The following CALR3 variants were observed in gnomAD, a reference collection of about 807,000 sequenced individuals.
CALR3 encodes calreticulin-3.
A neutral mutation model predicts 48.7 loss-of-function variants in CALR3; 39 were observed. The observed-to-expected ratio is 0.80, with a 90% CI of 0.62 to 1.05. The LOEUF (loss-of-function observed/expected upper bound fraction) is 1.05, where lower values mean the gene tolerates loss of function less well. Ranked by LOEUF, CALR3 falls within the 50% of genes least tolerant of loss-of-function variation. The pLI, the probability that CALR3 is intolerant of heterozygous loss-of-function variation, is 0.00. For synonymous variants in CALR3, 185 were observed against 172.7 expected (o/e 1.07, Z -0.56); for missense variants, 449 against 474.7 (o/e 0.95, Z 0.50).
rs1012054568 is a variant in CALR3 at position 16,490,698 on chromosome 19, C to T, written c.194-128G>A. 5 of 825,472 alleles carry T rather than the reference C, an allele frequency of 6.1e-6. No individual in the cohort carries two copies. In the African/African-American group the frequency reaches 8.4e-5, roughly 14 times the overall value. The allele number at this position is 825,472 out of a possible 1,614,324, so 51.1% of individuals were successfully genotyped here. ...TAACCATTTACAGTGATCTACAGTG[C>T]CAACAGAGCATTATACAATAATGCA... On this transcript the variant is annotated intron_variant, in intron 2 of 8. Coordinates refer to ENST00000269881, the MANE Select transcript of CALR3 (RefSeq NM_145046.5).
chr19:16,483,842 C>T lies in CALR3; in HGVS notation c.678+88G>A. ...TGGTTCTATAATATTGCCATCGTGG[C>T]TACCAGCCATGCAGCAATTGTCCAG... On this transcript the variant is annotated intron_variant, in intron 5 of 8. Transcript: ENST00000269881. 13 of 1,397,776 alleles carry T rather than the reference C, an allele frequency of 9.3e-6. No individual in the cohort carries two copies. The South Asian group carries it at 1.5e-4, about 16-fold the overall frequency. The allele number at this position is 1,397,776 out of a possible 1,614,324, so 86.6% of individuals were successfully genotyped here.
intron 3 of CALR3, among the ~76,000 whole-genome samples, chr19:16,488,473 C>T (rs1017012920): frequency 5.3e-5 from 8 of 151,234 alleles, no homozygotes; most frequent in East Asian, 2.0e-4. Context: ...GGTGAGATCT[C>T]GGCTCACTGC....
In CALR3 at chr19:16,484,178, CTTT is replaced by C. The variant is rs71334622; in HGVS notation, c.493-66_493-64del. The C allele has an allele frequency of 3.5e-3, 3,697 of 1,067,436 alleles. 25 individuals carry two copies. The highest frequency in any genetic ancestry group is 3.6e-3 in the Non-Finnish European group (2,793 of 772,338). 66.1% of individuals were successfully genotyped at this position (1,067,436 alleles called of 1,614,324 possible). A position where few individuals can be genotyped will look rare whatever the true frequency, so the allele number is the denominator to read the frequency against. On this transcript the variant is annotated intron_variant, in intron 4 of 8. Coordinates refer to ENST00000269881, the MANE Select transcript of CALR3 (RefSeq NM_145046.5). ...CTCAATTTCTTTTTTCTTTTCTTTT[CTTT>C]TTTTTTTTTTTTTTGAGATGGAGTC...
rs1305636539 is a variant in CALR3, at chr19:16,482,771, A to G, written c.693T>C (p.His231=). The G allele has an allele frequency of 6.2e-7, 1 of 1,613,314 alleles. No individual in the cohort carries two copies. Among genetic ancestry groups the G allele is most frequent in the Admixed American group, 1.7e-5 (1 of 59,992 alleles). ...KDNKAQDWEK[H]FLDASTSKQS... ...GCTTGCTGGTGCTGGCGTCCAGAAA[A>G]TGCTTCTCCCAGTCCTTCAAAGACA... The change falls in exon 6 of 9, where the codon CAT becomes CAC. Residue 231 remains histidine (H), a synonymous_variant. Transcript: ENST00000269881.
At chr19:16,493,414 A>G (rs2093400921) in intron 2 of CALR3, among the ~76,000 whole-genome samples, 1 of 152,228 alleles carries the variant, frequency 6.6e-6, no homozygotes, top group African/African-American at 2.4e-5. Context: ...AAGCTTCTCT[A>G]AACTTTGTCT....
rs997920766 is a variant in CALR3, at chr19:16,492,729, G to T, written c.194-2159C>A. 6.6e-5 allele frequency among the ~76,000 whole-genome samples: 10 copies of T among 151,950 alleles called. No homozygotes were observed. In the East Asian group the frequency reaches 1.9e-3, roughly 29 times the overall value. Reference sequence around the variant, plus strand: ...AAAAAAAAAATACAAAAAATTAGCCGGGCGTGGTGGCAGGCGCCTGTAGTT... The same window carrying T: ...AAAAAAAAAATACAAAAAATTAGCCTGGCGTGGTGGCAGGCGCCTGTAGTT... On this transcript the variant is annotated intron_variant, in intron 2 of 8. Transcript: ENST00000269881.
At chr19:16,492,223 G>A (rs1198291306) in intron 2 of CALR3, among the ~76,000 whole-genome samples, 2 of 152,158 alleles carry the variant, frequency 1.3e-5, no homozygotes, top group East Asian at 1.9e-4. Flanking sequence ...TTGGGAGGCT[G>A]AGCCGGGTGG....
chr19:16,493,854 AG>A (rs2093401679), intron 2 of CALR3, among the ~76,000 whole-genome samples: 1 of 151,704 alleles, frequency 6.6e-6, no homozygotes, highest in Non-Finnish European at 1.5e-5. Flanking sequence ...CAGCCTCTGA[AG>A]TAGGTGAGAT....
At chr19:16,481,931 G>T (rs2093381431) in intron 7 of CALR3, among the ~76,000 whole-genome samples, 1 of 112,644 alleles carries the variant, frequency 8.9e-6, no homozygotes, top group Non-Finnish European at 1.8e-5. Flanking sequence ...TTTTGAGACG[G>T]AGTCTTGCTC....
chr19:16,492,257 G>C (rs897991273), intron 2 of CALR3, among the ~76,000 whole-genome samples: 2 of 151,832 alleles, frequency 1.3e-5, no homozygotes, highest in Non-Finnish European at 2.9e-5. Context: ...AGAAGTTCGA[G>C]ACCAGCCTGG....
At chr19:16,479,349 G>A in intron 8 of CALR3, 75 bp from the exon 9 acceptor site, 1 of 1,551,204 alleles carries the variant, frequency 6.4e-7, no homozygotes, top group Non-Finnish European at 8.8e-7. Flanking sequence ...ACTTTGGGAG[G>A]CCGAGGCAGA....
intron 2 of CALR3, 74 bp downstream of exon 2, chr19:16,495,677 G>T: frequency 1.7e-6 from 2 of 1,170,304 alleles, no homozygotes; most frequent in South Asian, 1.2e-5. Context: ...CGTTTTGGCT[G>T]TGCCACAACT....
At chr19:16,485,702 G>A (rs2093388066) in intron 3 of CALR3, among the ~76,000 whole-genome samples, 1 of 152,076 alleles carries the variant, frequency 6.6e-6, no homozygotes, top group African/African-American at 2.4e-5. Flanking sequence ...CGCCCAGGCT[G>A]GAGTGCAGTG....
intron 8 of CALR3, among the ~76,000 whole-genome samples, 186 bp from the exon 9 acceptor site, chr19:16,479,460 C>T (rs535774548): frequency 6.6e-4 from 98 of 147,516 alleles, no homozygotes; most frequent in African/African-American, 2.2e-3. Context: ...TGGTGGTGGG[C>T]GCCTGTAGTC....
In CALR3 at chr19:16,493,361, A is replaced by C. The variant is rs193274069; in HGVS notation, c.193+2390T>G. 3.9e-5 allele frequency among the ~76,000 whole-genome samples: 6 copies of C among 152,322 alleles called. No homozygotes were observed. The East Asian group carries it at 1.2e-3, about 29-fold the overall frequency. Reference sequence around the variant, plus strand: ...CACCTTGACTAATGGGATCATGGTCATTATCTATCAAGCCTTGCCTAGAAA... The same window carrying C: ...CACCTTGACTAATGGGATCATGGTCCTTATCTATCAAGCCTTGCCTAGAAA... On this transcript the variant is annotated intron_variant, in intron 2 of 8. Coordinates refer to ENST00000269881, the MANE Select transcript of CALR3 (RefSeq NM_145046.5).
chr19:16,486,319 TA>T (rs372688610), intron 3 of CALR3, among the ~76,000 whole-genome samples: 24,863 of 123,816 alleles, frequency 0.2, 2,086 homozygotes, highest in African/African-American at 0.24. Flanking sequence ...CCGTCTCAAT[TA>T]AAAAAAAAAA....
rs775336557 is a variant in CALR3 at position 16,484,161 on chromosome 19, C to CTT, written c.493-48_493-47dup. On this transcript the variant is annotated intron_variant, in intron 4 of 8. Transcript: ENST00000269881. ...AGCGTAACAATTAAATCCTCAATTTCTTTTTTCTTTTCTTTTCTTTTTTTT... is the reference window on the plus strand; with the variant it reads ...AGCGTAACAATTAAATCCTCAATTTCTTTTTTTTCTTTTCTTTTCTTTTTTTT... 62 of 1,064,312 alleles carry CTT rather than the reference C, an allele frequency of 5.8e-5. 1 individual carries two copies. The highest frequency in any genetic ancestry group is 6.4e-5 in the South Asian group (4 of 62,826). 65.9% of individuals were successfully genotyped at this position (1,064,312 alleles called of 1,614,324 possible).
Position 16,496,021 on chromosome 19 carries a change from C to T in CALR3, c.91+18G>A, listed in dbSNP as rs1301718633. On this transcript the variant is annotated intron_variant, in intron 1 of 8. Coordinates refer to ENST00000269881, the MANE Select transcript of CALR3 (RefSeq NM_145046.5). ...GGGGGAGCTTACACCTCCGCCACCACGGGCGTGGCCCCTTCACCTCCGTCT... is the reference window on the plus strand; with the variant it reads ...GGGGGAGCTTACACCTCCGCCACCATGGGCGTGGCCCCTTCACCTCCGTCT... 1 of 1,581,168 alleles carries T rather than the reference C, an allele frequency of 6.3e-7. No homozygotes were observed. Among genetic ancestry groups the T allele is most frequent in the Non-Finnish European group, 8.6e-7 (1 of 1,162,676 alleles).
At position 16,479,233 on chromosome 19, in the gene CALR3, T is replaced by C; in HGVS notation, c.1053A>G (p.Glu351=). ...REMDAIQAKE[E]MKKAREEEEE... is the part of the protein sequence containing the mutation. ...CCTCTTCCTCGCGGGCCTTCTTCAT[T>C]TCCTCCTTGGCCTGTATGGCATCCA... Residue 351 remains glutamate (E), a synonymous_variant, in exon 9 of 9, where the codon GAA becomes GAG. Transcript: ENST00000269881. The C allele has an allele frequency of 6.2e-7, 1 of 1,614,054 alleles. No individual in the cohort carries two copies. The highest frequency in any genetic ancestry group is 8.5e-7 in the Non-Finnish European group (1 of 1,180,020).
Sources: allele counts gnomAD v4.1 joint callset (sites outside exome capture counted in the v4.1 genomes callset), GRCh38; gene constraint gnomAD v4.1.1; transcripts MANE v1.5; gene names NCBI Gene and HGNC (gene_info 2026-07-23, HGNC 2026-07-21).